The following PTPN11 variants were observed in gnomAD, a reference collection of about 807,000 sequenced individuals.
The protein encoded by PTPN11 is tyrosine-protein phosphatase non-receptor type 11.
In PTPN11, 6 loss-of-function variants were observed where a neutral mutation model predicts 78.8. The ratio of observed to expected loss-of-function variants is 0.08; its 90% CI spans 0.04 to 0.15. PTPN11 has a LOEUF of 0.15. PTPN11 is among the 10% of genes least tolerant of loss of function. PTPN11 has a pLI of 1.00. For synonymous variants in PTPN11, 221 were observed against 263.5 expected, an observed-to-expected ratio of 0.84 and a Z score of 1.56; for missense variants, 386 against 744.8, an observed-to-expected ratio of 0.52 and a Z score of 5.61.
At chr12:112,427,406 C>G (rs910156667) in intron 1 of PTPN11, among the ~76,000 whole-genome samples, 7 of 148,438 alleles carry the variant, frequency 4.7e-5, no homozygotes, top group African/African-American at 1.7e-4. Context: ...ATTAGCCAGG[C>G]CTGGTGGTGG....
In PTPN11 at chr12:112,478,033, C is replaced by A; in HGVS notation, c.1092+18C>A. On this transcript the variant is annotated intron_variant, in intron 9 of 15. Transcript: ENST00000351677. The stretch of plus-strand genomic sequence containing the variant: ...GAGGAAAGGTAAATCACAGAAACTT[C>A]TTTTCTGCTAAACTGTTTTTAAAGT... 2 of 1,613,534 alleles carry A rather than the reference C, an allele frequency of 1.2e-6. No homozygotes were observed. Among genetic ancestry groups the A allele is most frequent in the Non-Finnish European group, 1.7e-6 (2 of 1,179,590 alleles).
At chr12:112,483,303 T>C (rs2135908433) in intron 10 of PTPN11, among the ~76,000 whole-genome samples, 1 of 150,548 alleles carries the variant, frequency 6.6e-6, no homozygotes, top group South Asian at 2.2e-4. Flanking sequence ...TCCTCTCACC[T>C]CAGCCTCCCA....
intron 14 of PTPN11, 109 bp downstream of exon 14, chr12:112,502,365 G>C (rs150737668): frequency 1.2e-5 from 10 of 868,608 alleles, no homozygotes; most frequent in Non-Finnish European, 2.0e-5. Flanking sequence ...CCTTTCACTG[G>C]TGCACGTTCC....
chr12:112,502,827 A>G (rs1371811827), intron 14 of PTPN11, among the ~76,000 whole-genome samples: 1 of 152,232 alleles, frequency 6.6e-6, no homozygotes, highest in Non-Finnish European at 1.5e-5. Context: ...TTTTAAGTAT[A>G]TCAAGTGGTG....
At chr12:112,490,333 GTCTC>G (rs896248257) in intron 13 of PTPN11, among the ~76,000 whole-genome samples, 1 of 147,672 alleles carries the variant, frequency 6.8e-6, no homozygotes, top group Non-Finnish European at 1.5e-5. Context: ...TGAGAGAGAG[GTCTC>G]TCTCTGTTGC....
At chr12:112,436,463 C>T (rs1336073382) in intron 1 of PTPN11, among the ~76,000 whole-genome samples, 5 of 152,120 alleles carry the variant, frequency 3.3e-5, no homozygotes, top group Non-Finnish European at 7.3e-5. Context: ...ATGTGGCATT[C>T]TGGGATTTGA....
At chr12:112,498,581 C>CCTT (rs1254647476) in intron 13 of PTPN11, among the ~76,000 whole-genome samples, 1 of 152,090 alleles carries the variant, frequency 6.6e-6, no homozygotes, top group Non-Finnish European at 1.5e-5. Context: ...GTGATCAATA[C>CCTT]CTTCTCTCAA....
chr12:112,502,503 T>C (rs1363039859), intron 14 of PTPN11, among the ~76,000 whole-genome samples: 5 of 152,194 alleles, frequency 3.3e-5, no homozygotes, highest in African/African-American at 9.7e-5. Context: ...CCCAGTGCTT[T>C]GGGAGGCCGA....
chr12:112,456,719 C>T (rs1310790879), intron 6 of PTPN11, among the ~76,000 whole-genome samples: 15 of 151,346 alleles, frequency 9.9e-5, no homozygotes, highest in Non-Finnish European at 1.9e-4. Context: ...TTAAGCTTCC[C>T]GAGTAGCTGG....
intron 3 of PTPN11, 26 bp from the exon 4 acceptor site, chr12:112,453,169 T>A (rs1203984885): frequency 1.3e-6 from 2 of 1,592,162 alleles, no homozygotes; most frequent in African/African-American, 2.7e-5. Context: ...AGAGCTAAAT[T>A]CTTTTTTATT....
At chr12:112,487,792 A>G (rs555129532) in intron 11 of PTPN11, among the ~76,000 whole-genome samples, 1 of 151,840 alleles carries the variant, frequency 6.6e-6, no homozygotes, top group South Asian at 2.1e-4. Context: ...CTTTATTATT[A>G]TTATTTTTTG....
At position 112,482,746 on chromosome 12, in the gene PTPN11, G is replaced by T. The variant is rs1043789214; in HGVS notation, c.1224+541G>T. Among the ~76,000 whole-genome samples, 1 of 152,186 alleles carries T rather than the reference G, an allele frequency of 6.6e-6. No individual in the cohort carries two copies. The stretch of plus-strand genomic sequence containing the variant: ...AAGCAGTAGATGTGAGAGGTGCCGG[G>T]GGGTGAAGTCTGCAGGATGTGGGGA... On this transcript the variant is annotated intron_variant, in intron 10 of 15. Transcript: ENST00000351677. The surrounding 1 kb of genome is among the most constrained non-coding windows in gnomAD (Gnocchi z 4.4).
chr12:112,492,352 G>T (rs1046875521), intron 13 of PTPN11, among the ~76,000 whole-genome samples: 1 of 151,954 alleles, frequency 6.6e-6, no homozygotes, highest in African/African-American at 2.4e-5. Flanking sequence ...TACAGGCGTA[G>T]CAAAAAATGT....
intron 7 of PTPN11, among the ~76,000 whole-genome samples, chr12:112,474,423 G>A (rs2038467495): frequency 6.6e-6 from 1 of 152,044 alleles, no homozygotes; most frequent in African/African-American, 2.4e-5. Flanking sequence ...TCCCTATGTT[G>A]CCCAGGCTGG....
chr12:112,479,075 A>G (rs2038555908), intron 9 of PTPN11, among the ~76,000 whole-genome samples: 1 of 151,988 alleles, frequency 6.6e-6, no homozygotes, highest in Admixed American at 6.6e-5. Flanking sequence ...TGTCCTCCCA[A>G]ATGGTTGCTG....
At chr12:112,475,368 TTGTC>T (rs1265353655) in intron 7 of PTPN11, among the ~76,000 whole-genome samples, 2 of 152,154 alleles carry the variant, frequency 1.3e-5, no homozygotes, top group African/African-American at 2.4e-5. Flanking sequence ...AAAGAAAAAT[TTGTC>T]TGAGGCCTAG....
At chr12:112,492,010 T>C (rs1177063698) in intron 13 of PTPN11, among the ~76,000 whole-genome samples, 1 of 152,174 alleles carries the variant, frequency 6.6e-6, no homozygotes, top group African/African-American at 2.4e-5. Context: ...CCTGGCCAGT[T>C]ATTAGTATGT....
At chr12:112,496,635 A>C (rs1411788522) in intron 13 of PTPN11, among the ~76,000 whole-genome samples, 1 of 152,168 alleles carries the variant, frequency 6.6e-6, no homozygotes, top group Non-Finnish European at 1.5e-5. Flanking sequence ...CCTCTTGCTT[A>C]TTTGTGACTT....
chr12:112,484,419 G>A (rs1273065391), intron 10 of PTPN11, among the ~76,000 whole-genome samples: 3 of 152,190 alleles, frequency 2.0e-5, no homozygotes, highest in Non-Finnish European at 2.9e-5. Context: ...ATGGAGAGGA[G>A]GTCAAGGAAT....
Sources: allele counts gnomAD v4.1 joint callset (sites outside exome capture counted in the v4.1 genomes callset), GRCh38; gene constraint gnomAD v4.1.1; non-coding constraint Gnocchi (gnomAD v3.1); transcripts MANE v1.5; gene names NCBI Gene and HGNC (gene_info 2026-07-23, HGNC 2026-07-21).